Variants in WWOX observed in about 807,000 individuals in gnomAD.
WWOX encodes WW domain containing oxidoreductase.
In WWOX, 69 loss-of-function variants were observed where a neutral mutation model predicts 46.2. The ratio of observed to expected loss-of-function variants is 1.49; its 90% CI spans 1.23 to 1.82. WWOX has a LOEUF of 1.82. WWOX is among the 40% of genes most tolerant of loss of function. The pLI, the probability that WWOX is intolerant of heterozygous loss-of-function variation, is 0.00. For missense variants in WWOX, 919 were observed against 542.6 expected (o/e 1.69, Z -6.89); for synonymous variants, 359 against 202.6 (o/e 1.77, Z -6.56).
intron 5 of WWOX, among the ~76,000 whole-genome samples, chr16:78,372,881 CTATGAGGCTAT>C (rs1555528335): frequency 2.6e-5 from 4 of 152,128 alleles, no homozygotes; most frequent in Non-Finnish European, 5.9e-5. Flanking sequence ...GTAGCAGCTA[CTATGAGGCTAT>C]TTGGAATAAT....
intron 6 of WWOX, among the ~76,000 whole-genome samples, chr16:78,408,682 T>C (rs2082604574): frequency 6.6e-6 from 1 of 152,220 alleles, no homozygotes; most frequent in African/African-American, 2.4e-5. Context: ...TAAAAGGTCT[T>C]GGGTAAGCAT....
At chr16:78,950,151 A>G (rs969715805) in intron 8 of WWOX, among the ~76,000 whole-genome samples, 2 of 152,154 alleles carry the variant, frequency 1.3e-5, no homozygotes, top group Non-Finnish European at 2.9e-5. Context: ...AGAGAGTATG[A>G]TCTCACTTTT....
chr16:78,775,262 AT>A, intron 8 of WWOX, among the ~76,000 whole-genome samples: 1 of 152,296 alleles, frequency 6.6e-6, no homozygotes, highest in South Asian at 2.1e-4. Flanking sequence ...CAAAACAAAA[AT>A]ATCTTGTGGG....
At chr16:78,987,713 C>T (rs12933151) in intron 8 of WWOX, among the ~76,000 whole-genome samples, 106,178 of 152,068 alleles carry the variant, frequency 0.7, 39,796 homozygotes, top group Non-Finnish European at 0.84. Flanking sequence ...GAATTCATTT[C>T]GCGCTAATGA....
intron 4 of WWOX, among the ~76,000 whole-genome samples, chr16:78,144,486 TACACACAC>T (rs1215643920): frequency 3.5e-4 from 7 of 19,852 alleles, no homozygotes; most frequent in Admixed American, 8.4e-4. Flanking sequence ...TATATATATA[TACACACAC>T]ACACACATAT....
intron 8 of WWOX, among the ~76,000 whole-genome samples, chr16:79,157,318 C>T (rs191076089): frequency 1.3e-5 from 2 of 152,042 alleles, no homozygotes; most frequent in East Asian, 1.9e-4. Flanking sequence ...AAGAACTATA[C>T]CATCTCTATT....
intron 8 of WWOX, among the ~76,000 whole-genome samples, chr16:79,108,831 G>C (rs979691324): frequency 6.6e-6 from 1 of 151,966 alleles, no homozygotes; most frequent in South Asian, 2.1e-4. Flanking sequence ...AGTCCTGGAG[G>C]TCGAGACTGC....
intron 8 of WWOX, among the ~76,000 whole-genome samples, chr16:78,501,193 C>CTCTTT (rs1567609023): frequency 0.046 from 4,138 of 90,884 alleles, 228 homozygotes; most frequent in African/African-American, 0.12. Flanking sequence ...CTTTCTTTCT[C>CTCTTT]TTTTTTTTTT....
At chr16:78,915,839 G>C (rs8047995) in intron 8 of WWOX, among the ~76,000 whole-genome samples, 42,948 of 151,954 alleles carry the variant, frequency 0.28, 6,268 homozygotes, top group South Asian at 0.39. Flanking sequence ...TTTTAATCTT[G>C]ATCACCACAG....
At chr16:78,562,189 T>G (rs1022588980) in intron 8 of WWOX, among the ~76,000 whole-genome samples, 8 of 152,126 alleles carry the variant, frequency 5.3e-5, no homozygotes, top group Admixed American at 6.5e-5. Flanking sequence ...AACTGTTTCG[T>G]GGTGGAGTGC....
chr16:79,121,735 G>C (rs2049636207), intron 8 of WWOX, among the ~76,000 whole-genome samples: 1 of 152,196 alleles, frequency 6.6e-6, no homozygotes, highest in Non-Finnish European at 1.5e-5. Context: ...ATTGCTGGGA[G>C]TCTGAGATAG....
chr16:79,164,747 A>G (rs919741692), intron 8 of WWOX, among the ~76,000 whole-genome samples: 22 of 152,210 alleles, frequency 1.4e-4, no homozygotes, highest in African/African-American at 4.3e-4. Flanking sequence ...TGTGGTGGTC[A>G]GATCCTTTTC....
chr16:78,475,917 A>G (rs2151439798), intron 8 of WWOX, among the ~76,000 whole-genome samples: 1 of 152,360 alleles, frequency 6.6e-6, no homozygotes, highest in East Asian at 1.9e-4. Context: ...ACAAAGAGGT[A>G]TTAAAGAATG....
At chr16:78,720,783 C>G (rs145410698) in intron 8 of WWOX, among the ~76,000 whole-genome samples, 3 of 152,132 alleles carry the variant, frequency 2.0e-5, no homozygotes, top group African/African-American at 7.2e-5. Flanking sequence ...CTCTATTATA[C>G]AAGCAGTGCC....
intron 8 of WWOX, among the ~76,000 whole-genome samples, chr16:79,012,448 G>A (rs909841034): frequency 6.6e-6 from 1 of 152,106 alleles, no homozygotes; most frequent in Non-Finnish European, 1.5e-5. Context: ...GGCCAGGCTG[G>A]TCTCGAACTC....
chr16:78,154,969 G>A (rs1343517898), intron 4 of WWOX, among the ~76,000 whole-genome samples: 1 of 152,122 alleles, frequency 6.6e-6, no homozygotes, highest in Non-Finnish European at 1.5e-5. Flanking sequence ...CACGGGTGAT[G>A]ATCATGGTCA....
At chr16:78,436,350 A>G (rs929178867) in intron 8 of WWOX, among the ~76,000 whole-genome samples, 12 of 152,182 alleles carry the variant, frequency 7.9e-5, no homozygotes, top group Non-Finnish European at 1.8e-4. Context: ...GTGATCTCCA[A>G]CCTGCACGTC....
chr16:78,710,646 G>A (rs2048425612), intron 8 of WWOX, among the ~76,000 whole-genome samples: 1 of 149,592 alleles, frequency 6.7e-6, no homozygotes. Flanking sequence ...ACAGGGTCTT[G>A]CTCTGTCACT....
Position 79,211,854 on chromosome 16 carries a change from G to C in WWOX, c.*58G>C, listed in dbSNP as rs527976588. 1.1e-4 allele frequency: 184 copies of C among 1,607,584 alleles called. No individual in the cohort carries two copies. In the African/African-American group the frequency reaches 2.3e-3, roughly 20 times the overall value. ...GCCCTGTGTGTGTCCCCTCACGCAAGTGCCAGGGCTGGGCCCCTTCCAAAT... is the reference window on the plus strand; with the variant it reads ...GCCCTGTGTGTGTCCCCTCACGCAACTGCCAGGGCTGGGCCCCTTCCAAAT... On this transcript the variant is annotated 3_prime_UTR_variant, in exon 9 of 9. Coordinates refer to ENST00000566780, the MANE Select transcript of WWOX (RefSeq NM_016373.4).
Sources: gnomAD v4.1 joint callset for allele counts (sites outside exome capture counted in the v4.1 genomes callset) on GRCh38, gnomAD v4.1.1 for gene constraint, MANE v1.5 for transcripts, NCBI Gene and HGNC (gene_info 2026-07-23, HGNC 2026-07-21) for gene names.